Variants in NCOR2 observed in about 807,000 individuals in gnomAD.
NCOR2 encodes the protein nuclear receptor corepressor 2, also known as CTG repeat protein 26.
Under a neutral mutation model 262.9 loss-of-function variants are expected in NCOR2, and 81 were observed. The observed-to-expected ratio is 0.31, with a 90% CI of 0.26 to 0.37. NCOR2 has a LOEUF of 0.37. NCOR2 is among the 10% of genes least tolerant of loss of function. NCOR2 has a pLI of 1.00. For missense variants in NCOR2, 3,385 were observed against 3,621.4 expected, an observed-to-expected ratio of 0.93 and a Z score of 1.68; for synonymous variants, 1,659 against 1,559.3, an observed-to-expected ratio of 1.06 and a Z score of -1.51.
chr12:124,409,077 C>T lies in NCOR2; in HGVS notation c.1483-6516G>A, dbSNP rs951372846. Among the ~76,000 whole-genome samples, 13 of 152,354 alleles carry T rather than the reference C, an allele frequency of 8.5e-5. No individual in the cohort carries two copies. The East Asian group carries it at 1.2e-3, about 14-fold the overall frequency. ...TTGTTAAACATTTACCAGCACTCTACGGCAGAAAGATGCGTGTCGACAGAA... is the reference window on the plus strand; with the variant it reads ...TTGTTAAACATTTACCAGCACTCTATGGCAGAAAGATGCGTGTCGACAGAA... On this transcript the variant is annotated intron_variant, in intron 13 of 46. Coordinates refer to ENST00000405201, the Ensembl canonical transcript of NCOR2.
At chr12:124,529,196 A>AAAAAAACAAAAC (rs1566029123) in intron 1 of NCOR2, among the ~76,000 whole-genome samples, 4 of 147,072 alleles carry the variant, frequency 2.7e-5, no homozygotes, top group African/African-American at 1.0e-4. Context: ...AAAAAAAAAA[A>AAAAAAACAAAAC]AAAAAACACT....
chr12:124,449,731 C>G, intron 7 of NCOR2, 84 bp downstream of exon 9: 1 of 1,497,036 alleles, frequency 6.7e-7, no homozygotes, highest in Non-Finnish European at 9.2e-7. Flanking sequence ...AGAGAGCCCA[C>G]GTCCCACATC....
chr12:124,510,676 GTCTC>G (rs1184387108), intron 1 of NCOR2, among the ~76,000 whole-genome samples: 1 of 152,202 alleles, frequency 6.6e-6, no homozygotes, highest in Non-Finnish European at 1.5e-5. Context: ...GGAGACTGTT[GTCTC>G]TCCCACCAGG....
rs2044740254 is a variant in NCOR2, at chr12:124,440,398, CCCA to C, written c.816-2405_816-2403del. On this transcript the variant is annotated intron_variant, in intron 7 of 46. Coordinates refer to ENST00000405201, the Ensembl canonical transcript of NCOR2. This position sits in a 1 kb window ranked among gnomAD's most constrained non-coding sequence, Gnocchi z 5.7. The stretch of plus-strand genomic sequence containing the variant: ...CTGGTGGTGACTTGGCCAGGGCCTC[CCCA>C]CCTTCCATCAGTCTGGCCGCCGCCC... 6.6e-6 allele frequency among the ~76,000 whole-genome samples: 1 copy of C among 152,174 alleles called. No homozygotes were observed. The highest frequency in any genetic ancestry group is 2.1e-4 in the South Asian group (1 of 4,826).
At chr12:124,422,089 C>T (rs2043236376) in intron 12 of NCOR2, among the ~76,000 whole-genome samples, 1 of 152,274 alleles carries the variant, frequency 6.6e-6, no homozygotes, top group African/African-American at 2.4e-5. Flanking sequence ...AGGCACGCCA[C>T]TCCTGCCTAC....
chr12:124,374,419 C>T (rs1162390841), exon 19 of NCOR2: 1 of 1,612,942 alleles, frequency 6.2e-7, no homozygotes, highest in Non-Finnish European at 8.5e-7. Flanking sequence ...GTACCTGGGC[C>T]ACTGCATTCC....
chr12:124,326,321 G>C (rs2034635161), exon 46 of NCOR2: 2 of 1,540,776 alleles, frequency 1.3e-6, no homozygotes, highest in African/African-American at 1.4e-5. Flanking sequence ...CCGGGGACTT[G>C]GCTTTTCGGC....
At chr12:124,367,131 G>A (rs958407370) in intron 20 of NCOR2, among the ~76,000 whole-genome samples, 3 of 152,156 alleles carry the variant, frequency 2.0e-5, no homozygotes, top group Admixed American at 6.5e-5. Flanking sequence ...GAGAGCTCGC[G>A]TTTTCTATGT....
chr12:124,354,375 C>A (rs2037774500), intron 26 of NCOR2, 103 bp downstream of exon 28: 6 of 1,247,814 alleles, frequency 4.8e-6, no homozygotes, highest in Non-Finnish European at 6.5e-6. Flanking sequence ...GCCCCCAGAC[C>A]CTCTGGGAGA....
intron 3 of NCOR2, among the ~76,000 whole-genome samples, chr12:124,476,962 G>A (rs915610798): frequency 4.6e-5 from 7 of 150,992 alleles, no homozygotes; most frequent in Non-Finnish European, 1.0e-4. Context: ...GATGAACCCC[G>A]AGAATATGAT....
chr12:124,544,180 C>G (rs1191745568), intron 1 of NCOR2, among the ~76,000 whole-genome samples: 1 of 152,238 alleles, frequency 6.6e-6, no homozygotes, highest in Non-Finnish European at 1.5e-5. Context: ...GGAAACCTCT[C>G]TATGCCCCGC....
chr12:124,503,005 G>T lies in NCOR2; in HGVS notation c.-117-7637C>A, dbSNP rs2048828226. 6.6e-6 allele frequency among the ~76,000 whole-genome samples: 1 copy of T among 152,164 alleles called. No individual in the cohort carries two copies. Among genetic ancestry groups the T allele is most frequent in the Non-Finnish European group, 1.5e-5 (1 of 68,042 alleles). On this transcript the variant is annotated intron_variant, in intron 1 of 46. Coordinates refer to the NCOR2 transcript ENST00000404621. The surrounding 1 kb of genome is among the most constrained non-coding windows in gnomAD (Gnocchi z 4.3). ...ATTCCACTCCCTAAGGAAGAGCCAGGTACCCAACCCCAGCCTGTCGTTGGC... is the reference window on the plus strand; with the variant it reads ...ATTCCACTCCCTAAGGAAGAGCCAGTTACCCAACCCCAGCCTGTCGTTGGC...
chr12:124,410,689 G>C (rs762204252), intron 13 of NCOR2, among the ~76,000 whole-genome samples: 1 of 152,208 alleles, frequency 6.6e-6, no homozygotes, highest in Middle Eastern at 3.4e-3. Flanking sequence ...CCCTGCCACC[G>C]GTCCCCACCA....
upstream of NCOR2, among the ~76,000 whole-genome samples, chr12:124,499,934 G>C (rs189528847): frequency 5.3e-4 from 81 of 152,250 alleles, no homozygotes; most frequent in African/African-American, 1.8e-3. Flanking sequence ...GGGGAAATGG[G>C]CAGGTGGATG....
In NCOR2 at chr12:124,517,753, C is replaced by T. The variant is rs955984602; in HGVS notation, c.-118+17812G>A. On this transcript the variant is annotated intron_variant, in intron 1 of 46. Coordinates refer to the NCOR2 transcript ENST00000404621. The surrounding 1 kb of genome is among the most constrained non-coding windows in gnomAD (Gnocchi z 7.6). ...GTGCCCACCCGGGTCCCCTCCCACG[C>T]GGGCCGGCCAAGAAGCCTCACCCCG... 4.7e-4 allele frequency among the ~76,000 whole-genome samples: 71 copies of T among 152,344 alleles called. No homozygotes were observed. Among genetic ancestry groups the T allele is most frequent in the African/African-American group, 1.7e-3 (69 of 41,586 alleles).
chr12:124,534,456 G>GA (rs11405381), intron 1 of NCOR2, among the ~76,000 whole-genome samples: 48,998 of 144,972 alleles, frequency 0.34, 8,947 homozygotes, highest in East Asian at 0.49. Flanking sequence ...ACTCTGTCTC[G>GA]AAAAAAAAAA....
chr12:124,393,895 T>C (rs908510037), intron 16 of NCOR2, among the ~76,000 whole-genome samples: 2 of 152,356 alleles, frequency 1.3e-5, no homozygotes, highest in Non-Finnish European at 1.5e-5. Context: ...CTGGGTGATA[T>C]TCACTATTAT....
chr12:124,334,583 G>C (rs1593097266), exon 41 of NCOR2: 1 of 1,410,086 alleles, frequency 7.1e-7, no homozygotes, highest in Non-Finnish European at 9.2e-7. Flanking sequence ...GAGCTGCTGT[G>C]GGTGGTGCCG....
At chr12:124,460,300 G>A (rs977812587) in intron 5 of NCOR2, among the ~76,000 whole-genome samples, 4 of 152,200 alleles carry the variant, frequency 2.6e-5, no homozygotes, top group South Asian at 2.1e-4. Flanking sequence ...TGGCTCCCTC[G>A]CTCAGGCGGT....
Sources: allele counts gnomAD v4.1 joint callset (sites outside exome capture counted in the v4.1 genomes callset), GRCh38; gene constraint gnomAD v4.1.1; non-coding constraint Gnocchi (gnomAD v3.1); transcripts MANE v1.5; gene names NCBI Gene and HGNC (gene_info 2026-07-23, HGNC 2026-07-21).